Variants in MEGF10 observed in about 807,000 individuals in gnomAD.
The protein encoded by MEGF10 is multiple epidermal growth factor-like domains protein 10.
A neutral mutation model predicts 147.5 loss-of-function variants in MEGF10; 86 were observed. That is an observed-to-expected ratio of 0.58 (90% confidence interval 0.49 to 0.70). MEGF10 has a LOEUF of 0.70. Ranked by LOEUF, MEGF10 falls within the 30% of genes least tolerant of loss-of-function variation. The probability of loss-of-function intolerance (pLI) is 0.00; values close to 1 mark genes in which losing one functional copy is unlikely to be tolerated. For synonymous variants in MEGF10, 478 were observed against 525.5 expected (o/e 0.91, Z 1.24); for missense variants, 1,329 against 1,487.3 (o/e 0.89, Z 1.75).
intron 1 of MEGF10, among the ~76,000 whole-genome samples, chr5:127,325,059 T>C (rs1296387282): frequency 6.6e-6 from 1 of 152,214 alleles, no homozygotes; most frequent in Non-Finnish European, 1.5e-5. Context: ...ATTCCCTGCA[T>C]GGGGATAATA....
At chr5:127,356,429 C>G (rs1331856657) in intron 4 of MEGF10, among the ~76,000 whole-genome samples, 2 of 152,036 alleles carry the variant, frequency 1.3e-5, no homozygotes, top group African/African-American at 4.8e-5. Flanking sequence ...TCAGAGAGCT[C>G]CAAGAGAGTT....
At chr5:127,336,054 T>C (rs192789420) in intron 2 of MEGF10, among the ~76,000 whole-genome samples, 55 of 116,844 alleles carry the variant, frequency 4.7e-4, no homozygotes, top group Admixed American at 1.9e-3. Flanking sequence ...TAATTATCAT[T>C]GGTCAGAAAC....
intron 16 of MEGF10, among the ~76,000 whole-genome samples, chr5:127,436,935 G>A (rs1481638655): frequency 1.3e-5 from 2 of 152,154 alleles, no homozygotes; most frequent in African/African-American, 4.8e-5. Flanking sequence ...CATTTAAAGG[G>A]GCAGGTGTCC....
In MEGF10 at chr5:127,396,543, G is replaced by T. The variant is rs779874582; in HGVS notation, c.424G>T (p.Asp142Tyr). The T allele has an allele frequency of 5.2e-6, 8 of 1,544,304 alleles. No individual in the cohort carries two copies. Among genetic ancestry groups the T allele is most frequent in the Non-Finnish European group, 4.4e-6 (5 of 1,142,086 alleles). The change falls in exon 6 of 25, where the codon GAT becomes TAT. Residue 142 changes from aspartate (D) to tyrosine (Y), a missense_variant. By Grantham distance (160) the Asp-to-Tyr change is radical. Around this residue, in one of 3 missense-constraint regions of MEGF10, gnomAD observed 980 missense variants for 1,085.9 expected, o/e 0.90. Coordinates refer to ENST00000503335, the MANE Select transcript of MEGF10 (RefSeq NM_001256545.2). ...GTNCSSACDG[D>Y]HWGPHCTSRC... is the part of the protein sequence containing the mutation. ...CTCCTCAATCTCAGCCTGCGATGGT[G>T]ATCACTGGGGTCCCCACTGCACCAG...
At chr5:127,453,103 G>A (rs1284324412) in intron 22 of MEGF10, among the ~76,000 whole-genome samples, 1 of 152,214 alleles carries the variant, frequency 6.6e-6, no homozygotes, top group Non-Finnish European at 1.5e-5. Context: ...TCTAAGAGAT[G>A]CATGCACAGT....
chr5:127,363,864 C>T (rs1177602357), intron 4 of MEGF10, among the ~76,000 whole-genome samples: 1 of 152,166 alleles, frequency 6.6e-6, no homozygotes, highest in Non-Finnish European at 1.5e-5. Context: ...TTATGGACAT[C>T]ACACATGTGG....
At chr5:127,241,509 G>A in the MEGF10 span, among the ~76,000 whole-genome samples, 6 of 152,032 alleles carry the variant, frequency 3.9e-5, no homozygotes, top group African/African-American at 1.4e-4. Context: ...ATTGTGCCTG[G>A]GTGTCAATTT....
chr5:127,325,091 T>A (rs1329225857), intron 1 of MEGF10, among the ~76,000 whole-genome samples: 1 of 152,164 alleles, frequency 6.6e-6, no homozygotes, highest in East Asian at 1.9e-4. Flanking sequence ...GTGGACTCAG[T>A]GAGGTTTCAT....
At chr5:127,301,751 A>G (rs561084971) in intron 1 of MEGF10, among the ~76,000 whole-genome samples, 1 of 152,246 alleles carries the variant, frequency 6.6e-6, no homozygotes, top group Admixed American at 6.5e-5. Context: ...TGCATTTAGC[A>G]TAGTGGTAGG....
intron 2 of MEGF10, among the ~76,000 whole-genome samples, chr5:127,335,813 A>G (rs1221035081): frequency 1.3e-5 from 2 of 152,036 alleles, no homozygotes; most frequent in Admixed American, 1.3e-4. Context: ...GTTGGTGGTT[A>G]TGTGAGAGCT....
chr5:127,297,875 G>T (rs983861216), intron 1 of MEGF10, among the ~76,000 whole-genome samples: 3 of 152,152 alleles, frequency 2.0e-5, no homozygotes, highest in African/African-American at 7.2e-5. Flanking sequence ...TGTAAAATGA[G>T]AAAACTGTTC....
intron 9 of MEGF10, among the ~76,000 whole-genome samples, chr5:127,416,601 G>A (rs927191641): frequency 2.0e-5 from 3 of 152,112 alleles, no homozygotes; most frequent in Admixed American, 6.6e-5. Flanking sequence ...AGGTGCAGCA[G>A]GGTTCTAAAA....
chr5:127,323,521 G>T (rs1324462599), intron 1 of MEGF10, among the ~76,000 whole-genome samples: 3 of 152,180 alleles, frequency 2.0e-5, no homozygotes, highest in Non-Finnish European at 1.5e-5. Context: ...CATTGCAGGT[G>T]GTTACTTCTG....
chr5:127,356,241 G>A (rs1375901508), intron 4 of MEGF10, among the ~76,000 whole-genome samples: 1 of 152,250 alleles, frequency 6.6e-6, no homozygotes, highest in Non-Finnish European at 1.5e-5. Context: ...TAATCCAGTG[G>A]TAAACCTAGT....
At position 127,439,600 on chromosome 5, in the gene MEGF10, A is replaced by G. The variant is rs116977722; in HGVS notation, c.2233+1033A>G. On this transcript the variant is annotated intron_variant, in intron 17 of 24. Coordinates refer to ENST00000503335, the MANE Select transcript of MEGF10 (RefSeq NM_001256545.2). Reference sequence around the variant, plus strand: ...AAATATTGTTTAACTTCTTAGAGAAAGGTACTTGTAAGATATTATTTATAA... The same window carrying G: ...AAATATTGTTTAACTTCTTAGAGAAGGGTACTTGTAAGATATTATTTATAA... Among the ~76,000 whole-genome samples, 3 of 152,350 alleles carry G rather than the reference A, an allele frequency of 2.0e-5. No individual in the cohort carries two copies. In the East Asian group the frequency reaches 5.8e-4, roughly 29 times the overall value.
chr5:127,336,659 C>T (rs1286993896), intron 2 of MEGF10, among the ~76,000 whole-genome samples: 1 of 152,078 alleles, frequency 6.6e-6, no homozygotes, highest in African/African-American at 2.4e-5. Flanking sequence ...CTCCAAGGCA[C>T]ACGGACTTGA....
chr5:127,446,122 G>A (rs1224413474), intron 20 of MEGF10, among the ~76,000 whole-genome samples: 2 of 152,246 alleles, frequency 1.3e-5, no homozygotes, highest in African/African-American at 4.8e-5. Flanking sequence ...AGGCCTACCC[G>A]AATCGTTAAC....
intron 17 of MEGF10, among the ~76,000 whole-genome samples, chr5:127,439,877 G>A (rs1200927008): frequency 6.6e-6 from 1 of 152,196 alleles, no homozygotes; most frequent in Admixed American, 6.5e-5. Flanking sequence ...AAAGAATCTG[G>A]CACAGAGTAG....
At chr5:127,373,199 C>G (rs1053863403) in intron 5 of MEGF10, among the ~76,000 whole-genome samples, 5 of 152,224 alleles carry the variant, frequency 3.3e-5, no homozygotes, top group African/African-American at 1.2e-4. Context: ...GTCACCTAGG[C>G]TGGAGTGCAA....
Sources: allele counts gnomAD v4.1 joint callset (sites outside exome capture counted in the v4.1 genomes callset), GRCh38; gene constraint gnomAD v4.1.1; regional missense constraint gnomAD v4.1.1; transcripts MANE v1.5; gene names NCBI Gene and HGNC (gene_info 2026-07-23, HGNC 2026-07-21).